Variants in MAGT1 observed in about 807,000 individuals in gnomAD.
The protein encoded by MAGT1 is magnesium transporter 1, also known as dolichyl-diphosphooligosaccharide--protein glycosyltransferase subunit MAGT1.
In MAGT1, 4 loss-of-function variants were observed where a neutral mutation model predicts 28.4. The ratio of observed to expected loss-of-function variants is 0.14; its 90% CI spans 0.07 to 0.32. The LOEUF is 0.32. Ranked by LOEUF, MAGT1 falls within the 10% of genes least tolerant of loss-of-function variation. MAGT1 has a pLI of 1.00. For synonymous variants in MAGT1, 89 were observed against 89.7 expected (o/e 0.99, Z 0.04); for missense variants, 193 against 264.5 (o/e 0.73, Z 1.88).
rs782349973 is a variant in MAGT1 at position 77,856,922 on chromosome X, A to G, written c.532-49T>C. 3.8e-6 allele frequency: 4 copies of G among 1,048,097 alleles called. No homozygotes were observed. The Admixed American group carries it at 9.4e-5, about 25-fold the overall frequency. 86.4% of individuals were successfully genotyped at this position (1,048,097 alleles called of 1,213,427 possible). Reference sequence around the variant, plus strand: ...TGTTAAAGTATAAAATTTTTTTACTAATTATATGGGTCAAAATAAAATCTG... The same window carrying G: ...TGTTAAAGTATAAAATTTTTTTACTGATTATATGGGTCAAAATAAAATCTG... On this transcript the variant is annotated intron_variant, in intron 4 of 9. Transcript: ENST00000618282.
At chrX:77,839,102 G>A (rs1335090531) in intron 8 of MAGT1, among the ~76,000 whole-genome samples, 1 of 108,504 alleles carries the variant, frequency 9.2e-6, no homozygotes, top group Non-Finnish European at 1.9e-5. Context: ...AGGAGATCAA[G>A]ACCATCCTGG....
intron 1 of MAGT1, among the ~76,000 whole-genome samples, chrX:77,890,868 A>G (rs781977901): frequency 1.2e-3 from 131 of 111,443 alleles, no homozygotes; most frequent in Middle Eastern, 9.3e-3. Context: ...GGATTAAAGC[A>G]TATCCTCTTT....
intron 3 of MAGT1, among the ~76,000 whole-genome samples, chrX:77,864,253 G>A (rs1468504335): frequency 2.4e-5 from 2 of 82,247 alleles, no homozygotes; most frequent in Non-Finnish European, 4.5e-5. Context: ...GTATGTGTGT[G>A]TGTTGTGGTG....
chrX:77,837,405 T>A (rs782543412), intron 8 of MAGT1: 5 of 111,694 alleles, frequency 4.5e-5, no homozygotes, highest in South Asian at 3.7e-4. Context: ...TTTAAAAAAA[T>A]TTTAAAAACT....
intron 7 of MAGT1, among the ~76,000 whole-genome samples, chrX:77,845,855 T>C (rs2149014327): frequency 8.9e-6 from 1 of 111,799 alleles, no homozygotes; most frequent in Non-Finnish European, 1.9e-5. Flanking sequence ...CCTTTCTCTC[T>C]GGCTGCCCTT....
chrX:77,834,216 GTA>G (rs781969559), intron 8 of MAGT1, among the ~76,000 whole-genome samples: 106 of 93,819 alleles, frequency 1.1e-3, no homozygotes, highest in African/African-American at 3.9e-3. Context: ...ATACATGTGT[GTA>G]TATATATGCA....
chrX:77,889,257 A>G (rs1479064682), intron 1 of MAGT1, among the ~76,000 whole-genome samples: 2 of 104,630 alleles, frequency 1.9e-5, no homozygotes, highest in African/African-American at 7.0e-5. Flanking sequence ...CTGGGCTTAC[A>G]GGTGTGAGCC....
chrX:77,852,985 G>T (rs1285570995), intron 7 of MAGT1, among the ~76,000 whole-genome samples: 1 of 111,959 alleles, frequency 8.9e-6, no homozygotes, highest in Non-Finnish European at 1.9e-5. Context: ...ATTTGTTCCA[G>T]AGTCAGTGCT....
chrX:77,881,193 T>C (rs1384348187), intron 1 of MAGT1, among the ~76,000 whole-genome samples: 1 of 110,881 alleles, frequency 9.0e-6, no homozygotes, highest in Non-Finnish European at 1.9e-5. Context: ...ACAGAAAATA[T>C]GGGTTCACAT....
chrX:77,864,739 CT>C (rs1462367466), intron 3 of MAGT1, among the ~76,000 whole-genome samples: 3 of 110,702 alleles, frequency 2.7e-5, no homozygotes, highest in Non-Finnish European at 5.7e-5. Flanking sequence ...AAGTCTAGCT[CT>C]GTCACCCAGG....
chrX:77,845,814 T>G (rs1487806830), intron 7 of MAGT1, among the ~76,000 whole-genome samples: 1 of 112,134 alleles, frequency 8.9e-6, no homozygotes, highest in Non-Finnish European at 1.9e-5. Flanking sequence ...CAGCTGTTAG[T>G]CTGATGGGCT....
At chrX:77,857,002 T>C in intron 4 of MAGT1, 129 bp from the exon 5 acceptor site, 1 of 606,576 alleles carries the variant, frequency 1.6e-6, no homozygotes. Flanking sequence ...ATCCTTTTTA[T>C]GTTATCCCAA....
At chrX:77,889,642 AT>A (rs2077076903) in intron 1 of MAGT1, among the ~76,000 whole-genome samples, 1 of 110,127 alleles carries the variant, frequency 9.1e-6, no homozygotes, top group Non-Finnish European at 1.9e-5. Flanking sequence ...AAGTGCCAGG[AT>A]TATAGGTGTG....
chrX:77,849,903 A>G (rs2076962578), intron 7 of MAGT1, among the ~76,000 whole-genome samples: 1 of 109,824 alleles, frequency 9.1e-6, no homozygotes, highest in Admixed American at 9.8e-5. Flanking sequence ...ACCAAAAAAA[A>G]AAAAAAAAAA....
rs184406313 is a variant in MAGT1 at position 77,865,505 on chromosome X, G to C, written c.390+5303C>G. On this transcript the variant is annotated intron_variant, in intron 3 of 9. Coordinates refer to ENST00000618282, the MANE Select transcript of MAGT1 (RefSeq NM_001367916.1). ...AGACAGGGTTTCACCGTGTTAGCCAGGATGGTCTCGATATCCTGACCTCGT... is the reference window on the plus strand; with the variant it reads ...AGACAGGGTTTCACCGTGTTAGCCACGATGGTCTCGATATCCTGACCTCGT... 4.2e-3 allele frequency among the ~76,000 whole-genome samples: 453 copies of C among 108,193 alleles called. 6 individuals are homozygous for C. Among genetic ancestry groups the C allele is most frequent in the Non-Finnish European group, 5.3e-3 (278 of 52,198 alleles). The allele number at this position is 108,193 out of a possible 115,157, so 94.0% of individuals were successfully genotyped here. A position where few individuals can be genotyped will look rare whatever the true frequency, so the allele number is the denominator to read the frequency against.
chrX:77,873,847 C>G (rs1296278269), intron 2 of MAGT1, among the ~76,000 whole-genome samples: 3 of 111,454 alleles, frequency 2.7e-5, no homozygotes, highest in African/African-American at 9.8e-5. Context: ...CAATAGATCA[C>G]CAGAACTTAC....
At chrX:77,851,495 T>G (rs1352573167) in intron 7 of MAGT1, among the ~76,000 whole-genome samples, 2 of 111,565 alleles carry the variant, frequency 1.8e-5, no homozygotes, top group Non-Finnish European at 3.8e-5. Context: ...GGCCTCAGCC[T>G]CCCCAGTAGC....
At chrX:77,892,146 C>T (rs1178695940) in intron 1 of MAGT1, among the ~76,000 whole-genome samples, 2 of 111,013 alleles carry the variant, frequency 1.8e-5, no homozygotes, top group Non-Finnish European at 3.8e-5. Flanking sequence ...CCACCCGCCT[C>T]GGCCTCCCAA....
At chrX:77,838,334 G>A (rs1270469279) in intron 8 of MAGT1, among the ~76,000 whole-genome samples, 1 of 110,076 alleles carries the variant, frequency 9.1e-6, no homozygotes, top group Non-Finnish European at 1.9e-5. Flanking sequence ...GCATGAGCCT[G>A]TGGTCATAGC....
Sources: gnomAD v4.1 joint callset for allele counts (sites outside exome capture counted in the v4.1 genomes callset) on GRCh38, gnomAD v4.1.1 for gene constraint, MANE v1.5 for transcripts, NCBI Gene and HGNC (gene_info 2026-07-23, HGNC 2026-07-21) for gene names.